The following HSPG2 variants were observed in gnomAD, a reference collection of about 807,000 sequenced individuals.
HSPG2 encodes basement membrane-specific heparan sulfate proteoglycan core protein.
Under a neutral mutation model 526.6 loss-of-function variants are expected in HSPG2, and 278 were observed. The ratio of observed to expected loss-of-function variants is 0.53; its 90% CI spans 0.48 to 0.58. HSPG2 has a LOEUF of 0.58. Ranked by LOEUF, HSPG2 falls within the 20% of genes least tolerant of loss-of-function variation. The probability of loss-of-function intolerance (pLI) is 0.00; values close to 1 mark genes in which losing one functional copy is unlikely to be tolerated. For synonymous variants in HSPG2, 2,465 were observed against 2,555.4 expected (o/e 0.96, Z 1.07); for missense variants, 5,354 against 6,099.5 (o/e 0.88, Z 4.07).
chr1:21,838,388 G>A (rs1020612953), intron 74 of HSPG2, among the ~76,000 whole-genome samples: 18 of 152,184 alleles, frequency 1.2e-4, no homozygotes, highest in Admixed American at 1.3e-4. Flanking sequence ...AGCCCTGGGC[G>A]TGCTGGGGTG....
At chr1:21,889,901 T>C (rs760620535) in intron 6 of HSPG2, 80 bp downstream of exon 6, 1 of 1,456,714 alleles carries the variant, frequency 6.9e-7, no homozygotes, top group Non-Finnish European at 9.6e-7. Flanking sequence ...CAAGCCCAAG[T>C]TGGGAGCCTA....
In HSPG2 at chr1:21,876,647, A is replaced by G. The variant is rs1204301626; in HGVS notation, c.2691T>C (p.Asn897=). The part of the protein sequence containing the change: ...TSGEACRCKN[N]VVGRLCNECA... ...ATTCATTGCACAAGCGCCCCACCAC[A>G]TTGTTCTGCAGGCACAGAGTTGGAG... The change falls in exon 22 of 97, where the codon AAT becomes AAC. Residue 897 remains asparagine, a synonymous_variant. Transcript: ENST00000374695. 8 of 1,614,024 alleles carry G rather than the reference A, an allele frequency of 5.0e-6. No homozygotes were observed. Among genetic ancestry groups the G allele is most frequent in the Admixed American group, 1.7e-5 (1 of 59,998 alleles).
At chr1:21,833,671 C>T in intron 78 of HSPG2, 57 bp from the exon 79 acceptor site, 2 of 1,607,484 alleles carry the variant, frequency 1.2e-6, no homozygotes, top group Non-Finnish European at 1.7e-6. Flanking sequence ...CAGGGGCCCA[C>T]CTCCCATCTG....
intron 1 of HSPG2, among the ~76,000 whole-genome samples, chr1:21,909,725 G>A (rs1044807506): frequency 1.3e-5 from 2 of 152,168 alleles, no homozygotes; most frequent in South Asian, 2.1e-4. Flanking sequence ...AGCAGCCTTG[G>A]TCTAGGCAGG....
At chr1:21,936,925 G>A (rs543507914) in intron 1 of HSPG2, among the ~76,000 whole-genome samples, 5 of 152,250 alleles carry the variant, frequency 3.3e-5, no homozygotes, top group African/African-American at 1.2e-4. Context: ...ACACGGGCCA[G>A]CCCCGCCCCC....
At chr1:21,869,083 G>A in intron 33 of HSPG2, 1 of 202,862 alleles carries the variant, frequency 4.9e-6, no homozygotes, top group Non-Finnish European at 8.7e-6. Flanking sequence ...TGGCAGGGCA[G>A]AGAGACAGAG....
chr1:21,836,739 T>C (rs2098027676), intron 75 of HSPG2, 63 bp downstream of exon 75: 1 of 1,429,240 alleles, frequency 7.0e-7, no homozygotes, highest in Non-Finnish European at 9.5e-7. Context: ...GTGCTTTAAC[T>C]CTGCTCACTG....
chr1:21,859,857 G>C lies in HSPG2; in HGVS notation c.5160C>G (p.Ser1720Arg). The part of the protein sequence containing the change: ...WSREDGRPVP[S>R]GTQQRHQGSE... ...TACCTTGATGTCGCTGCTGGGTGCC[G>C]CTGGGCACAGGCCGCCCATCCTCAC... The change falls in exon 41 of 97, where the codon AGC becomes AGG. Residue 1720 changes from serine (S) to arginine (R), a missense_variant. Coordinates refer to ENST00000374695, the MANE Select transcript of HSPG2 (RefSeq NM_005529.7). The surrounding 1 kb of genome is among the most constrained non-coding windows in gnomAD (Gnocchi z 5.3). The C allele has an allele frequency of 1.9e-6, 3 of 1,611,368 alleles. No homozygotes were observed. The highest frequency in any genetic ancestry group is 1.7e-6 in the Non-Finnish European group (2 of 1,179,614).
chr1:21,834,036 C>A, intron 77 of HSPG2, 111 bp from the exon 78 acceptor site: 1 of 773,906 alleles, frequency 1.3e-6, no homozygotes. Flanking sequence ...GAAGCCACTA[C>A]ATTCCATTTC....
Position 21,858,055 on chromosome 1 carries a change from C to T in HSPG2, c.5294-670G>A, listed in dbSNP as rs529788089. Among the ~76,000 whole-genome samples, 94 of 152,284 alleles carry T rather than the reference C, an allele frequency of 6.2e-4. No homozygotes were observed. The highest frequency in any genetic ancestry group is 1.7e-3 in the South Asian group (8 of 4,832). ...CCATTTCCGAAAACTCCCCCTTGAC[C>T]TCATGCTCTCGCAGTCAATGACCCA... On this transcript the variant is annotated intron_variant, in intron 42 of 96. Coordinates refer to ENST00000374695, the MANE Select transcript of HSPG2 (RefSeq NM_005529.7). The surrounding 1 kb of genome is among the most constrained non-coding windows in gnomAD (Gnocchi z 4.2).
rs935683885 is a variant in HSPG2, at chr1:21,831,486, G to A, written c.11429C>T (p.Ala3810Val). Reference protein sequence around the residue: ...GYPDYGAIPKAGLSSGFIGCV... With the variant: ...GYPDYGAIPKVGLSSGFIGCV... ...ACCTATGAAGCCGCTGCTCAGCCCC[G>A]CCTTGGGGATGGCACCATAGTCAGG... The change falls in exon 83 of 97, where the codon GCG becomes GTG. Residue 3810 changes from alanine (A) to valine (V), a missense_variant. Physicochemically the swap from Ala to Val is moderately conservative, Grantham distance 64. Transcript: ENST00000374695. 30 of 1,613,978 alleles carry A rather than the reference G, an allele frequency of 1.9e-5. No homozygotes were observed. The highest frequency in any genetic ancestry group is 2.5e-5 in the Non-Finnish European group (30 of 1,179,974).
At chr1:21,917,892 T>C (rs1340015292) in intron 1 of HSPG2, among the ~76,000 whole-genome samples, 2 of 152,196 alleles carry the variant, frequency 1.3e-5, no homozygotes, top group Admixed American at 6.5e-5. Context: ...CTTGAGTTAC[T>C]GTCTCTTCTC....
chr1:21,891,425 G>A (rs77140904), intron 3 of HSPG2, among the ~76,000 whole-genome samples: 1 of 152,166 alleles, frequency 6.6e-6, no homozygotes, highest in South Asian at 2.1e-4. Flanking sequence ...ACAGCAAACC[G>A]CCCAAGAATC....
At chr1:21,853,401 T>A (rs1639068097) in intron 50 of HSPG2, among the ~76,000 whole-genome samples, 1 of 152,204 alleles carries the variant, frequency 6.6e-6, no homozygotes, top group African/African-American at 2.4e-5. Flanking sequence ...CTACAGGACG[T>A]CTTCCGTGTG....
In HSPG2 at chr1:21,837,001, G is replaced by A. The variant is rs1424300959; in HGVS notation, c.10156C>T (p.Pro3386Ser). 9.0e-6 allele frequency: 14 copies of A among 1,549,402 alleles called. No individual in the cohort carries two copies. The highest frequency in any genetic ancestry group is 1.2e-5 in the Non-Finnish European group (14 of 1,147,774). The change falls in exon 75 of 97, where the codon CCC becomes TCC. Residue 3386 changes from proline to serine, a missense_variant. Coordinates refer to ENST00000374695, the MANE Select transcript of HSPG2 (RefSeq NM_005529.7). ...ATGGAGGTGGCAGGGAGAGAGCCGG[G>A]AGGGCCTGCGGGGACATGTATGAGG... ...AFAQLLVQGP[P>S]GSLPATSIPA...
intron 57 of HSPG2, 97 bp from the exon 58 acceptor site, chr1:21,849,128 C>T: frequency 1.4e-6 from 2 of 1,416,438 alleles, no homozygotes; most frequent in African/African-American, 1.4e-5. Context: ...CCAGCCCAGC[C>T]AGCTGGAACT....
Position 21,838,816 on chromosome 1 carries a change from G to T in HSPG2, c.10150+9C>A. The T allele has an allele frequency of 6.2e-7, 1 of 1,611,284 alleles. No individual in the cohort carries two copies. The highest frequency in any genetic ancestry group is 1.1e-5 in the South Asian group (1 of 90,568). On this transcript the variant is annotated intron_variant, in intron 74 of 96. Transcript: ENST00000374695. ...TGATCCCCTTCCACGCAGAGCCGGG[G>T]CTGCTTACCTTGGACGAGCAGCTGG...
chr1:21,849,042 C>T lies in HSPG2; in HGVS notation c.7447-11G>A. 1 of 1,613,166 alleles carries T rather than the reference C, an allele frequency of 6.2e-7. No homozygotes were observed. The highest frequency in any genetic ancestry group is 8.5e-7 in the Non-Finnish European group (1 of 1,179,596). ...CCTCGAGCCATGCACCTGGGAGGGT[C>T]AGGAGGGAGGAGGCAGGCTCAGAGC... On this transcript the variant is annotated splice_polypyrimidine_tract_variant and intron_variant, in intron 57 of 96. Transcript: ENST00000374695.
chr1:21,927,340 C>T (rs772083341), intron 1 of HSPG2, among the ~76,000 whole-genome samples: 9 of 152,172 alleles, frequency 5.9e-5, no homozygotes, highest in Non-Finnish European at 1.2e-4. Flanking sequence ...ATCCCCAGGC[C>T]TGTGTGTCTC....
Sources: allele counts gnomAD v4.1 joint callset (sites outside exome capture counted in the v4.1 genomes callset), GRCh38; gene constraint gnomAD v4.1.1; non-coding constraint Gnocchi (gnomAD v3.1); transcripts MANE v1.5; gene names NCBI Gene and HGNC (gene_info 2026-07-23, HGNC 2026-07-21).